RBP3: variants seen among roughly 807,000 people sequenced by gnomAD.
The protein encoded by RBP3 is retinol binding protein 3.
In RBP3, 50 loss-of-function variants were observed where a neutral mutation model predicts 64.8. The observed-to-expected ratio is 0.77, with a 90% CI of 0.61 to 0.98. The LOEUF (loss-of-function observed/expected upper bound fraction) is 0.98. Among genes scored for constraint, RBP3 ranks in the 50% least tolerant of loss-of-function variants. The pLI, the probability that RBP3 is intolerant of heterozygous loss-of-function variation, is 0.00. For missense variants in RBP3, 1,712 were observed against 1,660.5 expected (o/e 1.03, Z -0.54); for synonymous variants, 828 against 730.2 (o/e 1.13, Z -2.16).
intron 3 of RBP3, among the ~76,000 whole-genome samples, chr10:47,356,869 C>T (rs1379181260): frequency 2.0e-5 from 3 of 152,182 alleles, no homozygotes; most frequent in Non-Finnish European, 4.4e-5. Context: ...AAAAAGGCCT[C>T]GTTGGGAGTT....
rs1376933434 is a variant in RBP3 at position 47,353,504 on chromosome 10, C to T, written c.3234C>T (p.Ile1078=). 6.2e-7 allele frequency: 1 copy of T among 1,613,886 alleles called. No individual in the cohort carries two copies. Among genetic ancestry groups the T allele is most frequent in the Non-Finnish European group, 8.5e-7 (1 of 1,180,018 alleles). ...WKKIMHTDAM[I]IDMRFNIGGP... ...AGATCATGCACACGGATGCCATGAT[C>T]ATCGACATGAGGTCAGTGGCCAGGG... Residue 1078 remains isoleucine, a synonymous_variant, in exon 2 of 4, where the codon ATC becomes ATT. Transcript: ENST00000584701.
Position 47,357,374 on chromosome 10 carries a change from G to A in RBP3, c.3661G>A (p.Glu1221Lys), listed in dbSNP as rs555568551. ...ACCCCATGTGGTTGTCCCTGCAGAA[G>A]AGGCTCTCGCCAGGGCCAAGGAGAT... Reference protein sequence around the residue: ...VTPHVVVPAEEALARAKEMLQ... With the variant: ...VTPHVVVPAEKALARAKEMLQ... The change falls in exon 4 of 4, where the codon GAG (glutamate) becomes AAG (lysine). Residue 1221 changes from glutamate to lysine, a missense_variant. Transcript: ENST00000584701. 10 of 1,614,072 alleles carry A rather than the reference G, an allele frequency of 6.2e-6. No homozygotes were observed. Among genetic ancestry groups the A allele is most frequent in the Admixed American group, 1.7e-5 (1 of 60,012 alleles).
In RBP3 at chr10:47,350,723, C is replaced by A. The variant is rs782664364; in HGVS notation, c.2239C>A (p.Arg747Ser). The A allele has an allele frequency of 6.2e-7, 1 of 1,613,228 alleles. No individual in the cohort carries two copies. Among genetic ancestry groups the A allele is most frequent in the East Asian group, 2.2e-5 (1 of 44,868 alleles). The change falls in exon 1 of 4, where the codon CGT becomes AGT. Residue 747 changes from arginine (R) to serine (S), a missense_variant. Arg to Ser is a moderately radical substitution (Grantham distance 110). Coordinates refer to ENST00000584701, the MANE Select transcript of RBP3 (RefSeq NM_002900.3). ...GCTGCCCGGCCAGCTGGGCTACCTG[C>A]GTTTTGACGCCATGGCTGAACTGGA... is the stretch of plus-strand genomic sequence containing the variant. ...EVLPGQLGYL[R>S]FDAMAELETV... is the part of the protein sequence containing the mutation.
Position 47,350,067 on chromosome 10 carries a change from G to C in RBP3, c.1583G>C (p.Gly528Ala). ...QEHFSHMELPGPRYSTQRGVY... is the reference protein window; with the variant it reads ...QEHFSHMELPAPRYSTQRGVY... The stretch of plus-strand genomic sequence containing the variant: ...CACTTCAGCCACATGGAGCTCCCGG[G>C]CCCACGCTACAGCACCCAACGTGGG... Residue 528 changes from glycine (G) to alanine (A), a missense_variant, in exon 1 of 4, where the codon GGC (glycine) becomes GCC (alanine). Gly to Ala is a moderately conservative substitution (Grantham distance 60). Transcript: ENST00000584701. 1 of 1,612,968 alleles carries C rather than the reference G, an allele frequency of 6.2e-7. No homozygotes were observed.
In RBP3 at chr10:47,357,112, T is replaced by G. The variant is rs1555212052; in HGVS notation, c.3399T>G (p.Tyr1133Ter). ...CCTTATGTCTTCCAGGTGAACGCTATGGCTCCAAGAAGAGCATGGTCATTC... is the reference window on the plus strand; with the variant it reads ...CCTTATGTCTTCCAGGTGAACGCTAGGGCTCCAAGAAGAGCATGGTCATTC... ...WTHAQVVGER[Y>*]GSKKSMVILT... The change falls in exon 4 of 4, where the codon TAT becomes TAG. Residue 1133 changes from tyrosine (Y) to a stop codon, truncating the protein, a stop_gained. Coordinates refer to ENST00000584701, the MANE Select transcript of RBP3 (RefSeq NM_002900.3). LOFTEE classifies it high-confidence loss of function. The G allele has an allele frequency of 6.2e-7, 1 of 1,611,268 alleles. No homozygotes were observed. The highest frequency in any genetic ancestry group is 1.1e-5 in the South Asian group (1 of 91,070).
At position 47,356,275 on chromosome 10, in the gene RBP3, T is replaced by C. The variant is rs188967534; in HGVS notation, c.3388+757T>C. The stretch of plus-strand genomic sequence containing the variant: ...CATACGTTCAATAATATTACAAGTG[T>C]AAATGCAAATCAGAACCAGGTGAAT... On this transcript the variant is annotated intron_variant, in intron 3 of 3. Transcript: ENST00000584701. Among the ~76,000 whole-genome samples the C allele has an allele frequency of 2.0e-5, 3 of 152,262 alleles. No individual in the cohort carries two copies. The East Asian group carries it at 5.8e-4, about 29-fold the overall frequency.
At position 47,349,392 on chromosome 10, in the gene RBP3, C is replaced by T. The variant is rs781834498; in HGVS notation, c.908C>T (p.Pro303Leu). The T allele has an allele frequency of 1.9e-6, 3 of 1,611,910 alleles. No individual in the cohort carries two copies. The African/African-American group carries it at 4.0e-5, about 22-fold the overall frequency. The change falls in exon 1 of 4, where the codon CCC becomes CTC. Residue 303 changes from proline (P) to leucine (L), a missense_variant. Physicochemically the swap from Pro to Leu is moderately conservative, Grantham distance 98. Coordinates refer to ENST00000584701, the MANE Select transcript of RBP3 (RefSeq NM_002900.3). The stretch of plus-strand genomic sequence containing the variant: ...ACGTGGGAGGGCAGCGGGGTGCTGC[C>T]CTGTGTGGGGACTCCGGCCGAGCAG... ...SQTWEGSGVLPCVGTPAEQAL... is the reference protein window; with the variant it reads ...SQTWEGSGVLLCVGTPAEQAL...
At position 47,357,597 on chromosome 10, in the gene RBP3, G is replaced by A. The variant is rs1047301351; in HGVS notation, c.*140G>A. 3.1e-5 allele frequency: 20 copies of A among 647,934 alleles called. No individual in the cohort carries two copies. The highest frequency in any genetic ancestry group is 8.1e-5 in the Admixed American group (3 of 37,098). The allele number at this position is 647,934 out of a possible 1,614,324, so 40.1% of individuals were successfully genotyped here. A position where few individuals can be genotyped will look rare whatever the true frequency, so the allele number is the denominator to read the frequency against. Reference sequence around the variant, plus strand: ...GAGCTCTGGTTAGGTTACAGCTGGAGGTGTGTATATATACACACACACACA... The same window carrying A: ...GAGCTCTGGTTAGGTTACAGCTGGAAGTGTGTATATATACACACACACACA... On this transcript the variant is annotated 3_prime_UTR_variant, in exon 4 of 4. Transcript: ENST00000584701.
Position 47,348,511 on chromosome 10 carries a change from G to C in RBP3, c.27G>C (p.Met9Ile), listed in dbSNP as rs782034018. ...TGATGAGAGAATGGGTTCTGCTCAT[G>C]TCCGTGCTGCTCTGTGGCCTGGCTG... MMREWVLLMSVLLCGLAGP... is the reference protein window; with the variant it reads MMREWVLLISVLLCGLAGP... The change falls in exon 1 of 4, where the codon ATG (methionine) becomes ATC (isoleucine). Residue 9 changes from methionine to isoleucine, a missense_variant. Transcript: ENST00000584701. The C allele has an allele frequency of 5.6e-6, 9 of 1,607,150 alleles. No individual in the cohort carries two copies. Among genetic ancestry groups the C allele is most frequent in the Non-Finnish European group, 7.6e-6 (9 of 1,179,968 alleles).
rs782385769 is a variant in RBP3, at chr10:47,348,778, T to TC, written c.299dup (p.Gln101ThrfsTer24). On this transcript the variant is annotated frameshift_variant, in exon 1 of 4. Transcript: ENST00000584701. LOFTEE classifies it high-confidence loss of function. ...CCTATGAGCCCAGCACCCCCGAGCC[T>TC]CCCCCACAAGTCCCAGCACTCACCA... 6.2e-7 allele frequency: 1 copy of TC among 1,613,386 alleles called. No individual in the cohort carries two copies. Among genetic ancestry groups the TC allele is most frequent in the Non-Finnish European group, 8.5e-7 (1 of 1,179,970 alleles).
chr10:47,355,990 C>G (rs577978743), intron 3 of RBP3, among the ~76,000 whole-genome samples: 1 of 152,132 alleles, frequency 6.6e-6, no homozygotes, highest in Non-Finnish European at 1.5e-5. Context: ...TGTTCCCCGC[C>G]CTGGGCCCAG....
rs1555211402 is a variant in RBP3, at chr10:47,350,551, C to A, written c.2067C>A (p.Asp689Glu). The change falls in exon 1 of 4, where the codon GAC (aspartate) becomes GAA (glutamate). Residue 689 changes from aspartate to glutamate, a missense_variant. Physicochemically the swap from Asp to Glu is conservative, Grantham distance 45 (BLOSUM62 2). Transcript: ENST00000584701. Reference sequence around the variant, plus strand: ...CTCTGGCCTCTCAGCTCACAGCAGACCTCCAGGAGGTGTCTGGGGACCACC... The same window carrying A: ...CTCTGGCCTCTCAGCTCACAGCAGAACTCCAGGAGGTGTCTGGGGACCACC... ...LESLASQLTA[D>E]LQEVSGDHRL... 1.3e-5 allele frequency: 21 copies of A among 1,612,988 alleles called. No homozygotes were observed. Among genetic ancestry groups the A allele is most frequent in the Non-Finnish European group, 1.7e-5 (20 of 1,180,042 alleles).
rs1555211153 is a variant in RBP3, at chr10:47,349,661, A to G, written c.1177A>G (p.Thr393Ala). The G allele has an allele frequency of 5.6e-6, 9 of 1,612,210 alleles. No individual in the cohort carries two copies. In the African/African-American group the frequency reaches 6.7e-5, roughly 12 times the overall value. The change falls in exon 1 of 4, where the codon ACA (threonine) becomes GCA (alanine). Residue 393 changes from threonine to alanine, a missense_variant. Thr to Ala is a moderately conservative substitution (Grantham distance 58, BLOSUM62 0). Transcript: ENST00000584701. ...GCTCCTGGTGCGAGCCATCGGGCCC[A>G]CAGAAACTCCTTCTTGGCCCGCGCC... ...PRLLVRAIGPTETPSWPAPDA... is the reference protein window; with the variant it reads ...PRLLVRAIGPAETPSWPAPDA...
Position 47,350,227 on chromosome 10 carries a change from G to A in RBP3, c.1743G>A (p.Leu581=), listed in dbSNP as rs1555211296. 6.2e-7 allele frequency: 1 copy of A among 1,608,590 alleles called. No homozygotes were observed. The change falls in exon 1 of 4, where the codon CTG becomes CTA. Residue 581 remains leucine (L), a synonymous_variant. Transcript: ENST00000584701. ...TGCTGCACACCCGCACGGTGCCGCT[G>A]CTGGACACACCCGAAGGCAGCCTCG... The part of the protein sequence containing the change: ...GNLLHTRTVP[L]LDTPEGSLAL...
At chr10:47,356,500 A>G (rs1471753068) in intron 3 of RBP3, among the ~76,000 whole-genome samples, 6 of 152,162 alleles carry the variant, frequency 3.9e-5, no homozygotes, top group African/African-American at 1.4e-4. Context: ...CCAGATTTTG[A>G]AGACATTATG....
At position 47,349,667 on chromosome 10, in the gene RBP3, A is replaced by C. The variant is rs1555211154; in HGVS notation, c.1183A>C (p.Thr395Pro). 2 of 1,611,686 alleles carry C rather than the reference A, an allele frequency of 1.2e-6. No individual in the cohort carries two copies. The highest frequency in any genetic ancestry group is 4.5e-5 in the East Asian group (2 of 44,836). The part of the protein sequence containing the change: ...LLVRAIGPTE[T>P]PSWPAPDAAA... ...GGTGCGAGCCATCGGGCCCACAGAA[A>C]CTCCTTCTTGGCCCGCGCCCGACGC... Residue 395 changes from threonine (T) to proline (P), a missense_variant, in exon 1 of 4, where the codon ACT (threonine) becomes CCT (proline). By Grantham distance (38) the Thr-to-Pro change is conservative (BLOSUM62 -1). Transcript: ENST00000584701.
chr10:47,349,426 G>A lies in RBP3; in HGVS notation c.942G>A (p.Glu314=), dbSNP rs1192455238. The A allele has an allele frequency of 1.2e-6, 2 of 1,612,060 alleles. No individual in the cohort carries two copies. Among genetic ancestry groups the A allele is most frequent in the African/African-American group, 1.3e-5 (1 of 74,940 alleles). The change falls in exon 1 of 4, where the codon GAG becomes GAA. Residue 314 remains glutamate, a synonymous_variant. Coordinates refer to ENST00000584701, the MANE Select transcript of RBP3 (RefSeq NM_002900.3). ...CVGTPAEQAL[E]KALAILTLRS... is the part of the protein sequence containing the mutation. Reference sequence around the variant, plus strand: ...GGACTCCGGCCGAGCAGGCCCTGGAGAAAGCCCTGGCCATCCTCACTCTGC... The same window carrying A: ...GGACTCCGGCCGAGCAGGCCCTGGAAAAAGCCCTGGCCATCCTCACTCTGC...
Position 47,351,558 on chromosome 10 carries a change from T to C in RBP3, c.3054+20T>C, listed in dbSNP as rs782461753. On this transcript the variant is annotated intron_variant, in intron 1 of 3. Coordinates refer to ENST00000584701, the MANE Select transcript of RBP3 (RefSeq NM_002900.3). ...ATGCAGGTGAGACCCAAGAGAGACC[T>C]GGCTGAACCCAGTCCCGGGAGTGAG... is the stretch of plus-strand genomic sequence containing the variant. The C allele has an allele frequency of 3.5e-5, 56 of 1,613,408 alleles. No homozygotes were observed. The highest frequency in any genetic ancestry group is 4.6e-5 in the Non-Finnish European group (54 of 1,180,028).
chr10:47,356,556 G>T (rs148067205), intron 3 of RBP3, among the ~76,000 whole-genome samples: 49 of 152,258 alleles, frequency 3.2e-4, no homozygotes, highest in East Asian at 2.9e-3. Context: ...ATTTTGAAAA[G>T]AATGTATTTT....
Sources: gnomAD v4.1 joint callset for allele counts (sites outside exome capture counted in the v4.1 genomes callset) on GRCh38, gnomAD v4.1.1 for gene constraint, MANE v1.5 for transcripts, NCBI Gene and HGNC (gene_info 2026-07-23, HGNC 2026-07-21) for gene names.